The following DIAPH2 variants were observed in gnomAD, a reference collection of about 807,000 sequenced individuals.
The protein encoded by DIAPH2 is protein diaphanous homolog 2.
A neutral mutation model predicts 92.7 loss-of-function variants in DIAPH2; 35 were observed. That is an observed-to-expected ratio of 0.38 (90% CI 0.29 to 0.50). The LOEUF (loss-of-function observed/expected upper bound fraction) is 0.50. Among genes scored for constraint, DIAPH2 ranks in the 20% least tolerant of loss-of-function variants. The pLI is 0.94. For missense variants in DIAPH2, 701 were observed against 819.5 expected (o/e 0.86, Z 1.77); for synonymous variants, 301 against 280.4 (o/e 1.07, Z -0.73).
chrX:97,530,427 T>C (rs2071052017), intron 26 of DIAPH2, among the ~76,000 whole-genome samples: 1 of 111,931 alleles, frequency 8.9e-6, no homozygotes, highest in South Asian at 3.8e-4. Flanking sequence ...TAGGAATTGG[T>C]ATGAACTAAA....
At chrX:97,598,190 C>T (rs1009139411) in intron 26 of DIAPH2, among the ~76,000 whole-genome samples, 1 of 111,563 alleles carries the variant, frequency 9.0e-6, no homozygotes, top group African/African-American at 3.3e-5. Flanking sequence ...CTTGGGAGGC[C>T]CCAACCTTTA....
intron 4 of DIAPH2, among the ~76,000 whole-genome samples, chrX:96,786,754 A>G (rs779342919): frequency 6.2e-5 from 7 of 112,014 alleles, no homozygotes; most frequent in Admixed American, 4.7e-4. Flanking sequence ...TTTGCATACT[A>G]GAATCCTTCT....
intron 26 of DIAPH2, among the ~76,000 whole-genome samples, chrX:97,474,645 A>G (rs2070589938): frequency 9.0e-6 from 1 of 110,525 alleles, no homozygotes; most frequent in African/African-American, 3.3e-5. Flanking sequence ...GGGTGCCTGT[A>G]ATCCCAGCTA....
chrX:97,128,291 G>T (rs1251627920), intron 21 of DIAPH2, among the ~76,000 whole-genome samples: 1 of 110,650 alleles, frequency 9.0e-6, no homozygotes, highest in Non-Finnish European at 1.9e-5. Flanking sequence ...AATTGTCATG[G>T]CGCTGGTGGG....
At chrX:97,169,039 A>G (rs1409356381) in intron 22 of DIAPH2, among the ~76,000 whole-genome samples, 1 of 112,058 alleles carries the variant, frequency 8.9e-6, no homozygotes, top group African/African-American at 3.2e-5. Flanking sequence ...TAGGGTTTCA[A>G]CATTGGAATT....
chrX:96,716,528 G>A (rs925959135), intron 1 of DIAPH2, among the ~76,000 whole-genome samples: 1 of 111,587 alleles, frequency 9.0e-6, no homozygotes, highest in African/African-American at 3.3e-5. Flanking sequence ...CATACTTAAT[G>A]TGTACAGTTT....
At chrX:97,232,625 A>G (rs1225746661) in intron 22 of DIAPH2, among the ~76,000 whole-genome samples, 2 of 110,820 alleles carry the variant, frequency 1.8e-5, no homozygotes, top group Non-Finnish European at 3.8e-5. Context: ...ACTTGCTTCA[A>G]GCTCCCCTCC....
intron 26 of DIAPH2, among the ~76,000 whole-genome samples, chrX:97,502,034 C>T (rs754295252): frequency 3.6e-5 from 4 of 111,902 alleles, no homozygotes; most frequent in Non-Finnish European, 7.5e-5. Context: ...AACTCCTGAC[C>T]TCAGGTGATC....
chrX:96,836,979 A>T (rs1002710210), intron 4 of DIAPH2, among the ~76,000 whole-genome samples: 6 of 106,057 alleles, frequency 5.7e-5, no homozygotes, highest in African/African-American at 2.1e-4. Flanking sequence ...CGCCCGCCTC[A>T]GCCTCCCAAA....
At chrX:97,365,978 A>T (rs140653685) in intron 24 of DIAPH2, among the ~76,000 whole-genome samples, 1,571 of 111,578 alleles carry the variant, frequency 0.014, 30 homozygotes, top group African/African-American at 0.048. Flanking sequence ...GGTGTGAGCC[A>T]TCGCACCCGG....
chrX:96,903,133 G>GGA (rs1556292176), intron 5 of DIAPH2, among the ~76,000 whole-genome samples: 17 of 99,053 alleles, frequency 1.7e-4, no homozygotes, highest in African/African-American at 4.0e-4. Flanking sequence ...CTGTTACTGT[G>GGA]AAAAAAAAAA....
chrX:96,977,291 A>AT (rs950694905), intron 17 of DIAPH2, among the ~76,000 whole-genome samples: 1 of 111,858 alleles, frequency 8.9e-6, no homozygotes, highest in African/African-American at 3.3e-5. Context: ...TATAATTTAG[A>AT]TTTTTTTAGG....
At chrX:97,441,974 T>G (rs6652339) in intron 26 of DIAPH2, 3 of 112,856 alleles carry the variant, frequency 2.7e-5, no homozygotes, top group African/African-American at 9.6e-5. Context: ...AAATTGAGCA[T>G]GGACCATTTA....
At chrX:96,837,404 C>CCTCCCT (rs2064903462) in intron 4 of DIAPH2, among the ~76,000 whole-genome samples, 2 of 66,066 alleles carry the variant, frequency 3.0e-5, no homozygotes, top group Non-Finnish European at 5.8e-5. Context: ...TTCCTCCCTC[C>CCTCCCT]CTCTCTCTCT....
chrX:96,697,568 C>T (rs2063831908), intron 1 of DIAPH2, among the ~76,000 whole-genome samples: 1 of 110,940 alleles, frequency 9.0e-6, no homozygotes, highest in Non-Finnish European at 1.9e-5. Context: ...ATTGCTTGAT[C>T]CCGGGAGGCA....
At chrX:97,051,978 C>T (rs753180939) in intron 17 of DIAPH2, among the ~76,000 whole-genome samples, 1 of 111,818 alleles carries the variant, frequency 8.9e-6, no homozygotes, top group South Asian at 3.7e-4. Flanking sequence ...TTAATTCAAA[C>T]AATTTATTGA....
At chrX:97,449,694 G>A (rs150908675) in intron 26 of DIAPH2, 27,421 of 744,218 alleles carry the variant, frequency 0.037, 414 homozygotes, top group Non-Finnish European at 0.04. Context: ...CCACTCAGAC[G>A]ACAAGCAAGG....
intron 4 of DIAPH2, among the ~76,000 whole-genome samples, chrX:96,758,931 T>C (rs1346440748): frequency 9.0e-6 from 1 of 110,974 alleles, no homozygotes; most frequent in Non-Finnish European, 1.9e-5. Flanking sequence ...CTTCCAAATA[T>C]AGTCTTAAGC....
chrX:97,185,343 A>ATATATATATGTATATATATATG (rs2067575986), intron 22 of DIAPH2, among the ~76,000 whole-genome samples: 2 of 4,034 alleles, frequency 5.0e-4, no homozygotes, highest in African/African-American at 1.6e-3. Flanking sequence ...ATATATATGT[A>ATATATATATGTATATATATATG]TATATATATG....
Sources: allele counts gnomAD v4.1 joint callset (sites outside exome capture counted in the v4.1 genomes callset), GRCh38; gene constraint gnomAD v4.1.1; transcripts MANE v1.5; gene names NCBI Gene and HGNC (gene_info 2026-07-23, HGNC 2026-07-21).